PLAGL1: variants seen among roughly 807,000 people sequenced by gnomAD.
The protein encoded by PLAGL1 is PLAG1 like zinc finger 1.
In PLAGL1, 1 loss-of-function variant was observed where a neutral mutation model predicts 4.6. The ratio of observed to expected loss-of-function variants is 0.22; its 90% CI spans 0.08 to 1.03. PLAGL1 has a LOEUF of 1.03. Among genes scored for constraint, PLAGL1 ranks in the 50% least tolerant of loss-of-function variants. PLAGL1 has a pLI of 0.58. For synonymous variants in PLAGL1, 240 were observed against 237.8 expected (o/e 1.01, Z -0.08); for missense variants, 464 against 570.4 (o/e 0.81, Z 1.90).
chr6:144,020,089 G>A (rs1795859835), intron 1 of PLAGL1, among the ~76,000 whole-genome samples: 1 of 152,064 alleles, frequency 6.6e-6, no homozygotes, highest in African/African-American at 2.4e-5. Flanking sequence ...ACACCAGAGA[G>A]CTCACTTCCT....
rs1787550292 is a variant in PLAGL1 at position 143,979,979 on chromosome 6, T to C, written c.-544+5156A>G. Among the ~76,000 whole-genome samples the C allele has an allele frequency of 6.6e-6, 1 of 152,122 alleles. No homozygotes were observed. Among genetic ancestry groups the C allele is most frequent in the African/African-American group, 2.4e-5 (1 of 41,454 alleles). ...TGCATGTTTCACCTTTTTTGAAAGA[T>C]ATTGTCACAACTATAGATTTCTAGA... is the stretch of plus-strand genomic sequence containing the variant. On this transcript the variant is annotated intron_variant, in intron 2 of 7. Transcript: ENST00000674357. The surrounding 1 kb of genome is among the most constrained non-coding windows in gnomAD (Gnocchi z 4.6).
Position 143,972,667 on chromosome 6 carries a change from G to A in PLAGL1, c.-543-3689C>T, listed in dbSNP as rs570969618. Among the ~76,000 whole-genome samples, 8 of 152,230 alleles carry A rather than the reference G, an allele frequency of 5.3e-5. No homozygotes were observed. Among genetic ancestry groups the A allele is most frequent in the African/African-American group, 7.2e-5 (3 of 41,544 alleles). Reference sequence around the variant, plus strand: ...CATGAATCACTGGCTTGAGTGGAACGTAGCTTCCAAGTTCAAAGATGTTTT... The same window carrying A: ...CATGAATCACTGGCTTGAGTGGAACATAGCTTCCAAGTTCAAAGATGTTTT... On this transcript the variant is annotated intron_variant, in intron 2 of 7. Coordinates refer to ENST00000674357, the MANE Select transcript of PLAGL1 (RefSeq NM_001317162.2). The surrounding 1 kb of genome is among the most constrained non-coding windows in gnomAD (Gnocchi z 6.8).
chr6:144,017,520 T>C (rs1415579221), intron 1 of PLAGL1, among the ~76,000 whole-genome samples: 2 of 152,208 alleles, frequency 1.3e-5, no homozygotes, highest in African/African-American at 4.8e-5. Flanking sequence ...TCTACTAAAA[T>C]GTCCTACTTT....
chr6:144,011,998 TG>T (rs1177073763), upstream of PLAGL1, among the ~76,000 whole-genome samples: 2 of 152,204 alleles, frequency 1.3e-5, no homozygotes, highest in Non-Finnish European at 2.9e-5. The surrounding 1 kb of genome is among the most constrained non-coding windows in gnomAD (Gnocchi z 4.3). Context: ...TCTTAGGATT[TG>T]GTCTGATCAT....
rs1312296643 is a variant in PLAGL1 at position 144,003,869 on chromosome 6, C to T, written c.-584+4221G>A. 2.0e-5 allele frequency among the ~76,000 whole-genome samples: 3 copies of T among 152,246 alleles called. No homozygotes were observed. The East Asian group carries it at 5.8e-4, about 29-fold the overall frequency. The stretch of plus-strand genomic sequence containing the variant: ...TAGTGTTTATGGAAATGCAACCAAC[C>T]TACCAAAAACCATCAATTCAACTCC... On this transcript the variant is annotated intron_variant, in intron 1 of 7. Coordinates refer to ENST00000674357, the MANE Select transcript of PLAGL1 (RefSeq NM_001317162.2).
At chr6:143,987,672 G>A (rs1364970173) in intron 1 of PLAGL1, among the ~76,000 whole-genome samples, 1 of 151,954 alleles carries the variant, frequency 6.6e-6, no homozygotes, top group East Asian at 1.9e-4. Context: ...GTCCGTGGCT[G>A]GGCCAGCGTG....
At chr6:144,040,286 T>C (rs1797621513) in intron 1 of PLAGL1, among the ~76,000 whole-genome samples, 1 of 151,886 alleles carries the variant, frequency 6.6e-6, no homozygotes, top group African/African-American at 2.4e-5. Flanking sequence ...CCCAGCACTT[T>C]GGGAGGCTGA....
intron 1 of PLAGL1, among the ~76,000 whole-genome samples, chr6:144,035,836 T>G (rs959757201): frequency 6.6e-6 from 1 of 152,162 alleles, no homozygotes; most frequent in Admixed American, 6.5e-5. Context: ...ATATGGTTGA[T>G]GAGAAAAATG....
At chr6:144,025,216 A>G (rs1360394635) in intron 1 of PLAGL1, among the ~76,000 whole-genome samples, 1 of 152,124 alleles carries the variant, frequency 6.6e-6, no homozygotes, top group East Asian at 1.9e-4. Context: ...CATTAAACAC[A>G]CCCAAATTGA....
chr6:143,951,276 G>T (rs1242019697), intron 6 of PLAGL1, among the ~76,000 whole-genome samples: 1 of 152,298 alleles, frequency 6.6e-6, no homozygotes, highest in East Asian at 1.9e-4. Context: ...GGAATTAAAA[G>T]TACTATAGAA....
chr6:143,979,620 C>T lies in PLAGL1; in HGVS notation c.-544+5515G>A, dbSNP rs1163657230. On this transcript the variant is annotated intron_variant, in intron 2 of 7. Transcript: ENST00000674357. This position sits in a 1 kb window ranked among gnomAD's most constrained non-coding sequence, Gnocchi z 4.6. Reference sequence around the variant, plus strand: ...TATAGTTATATTTTTCCTCACCTGACCTTTGTGCAATTATTGTTGTAACTT... The same window carrying T: ...TATAGTTATATTTTTCCTCACCTGATCTTTGTGCAATTATTGTTGTAACTT... 6.6e-6 allele frequency among the ~76,000 whole-genome samples: 1 copy of T among 151,936 alleles called. No homozygotes were observed. The highest frequency in any genetic ancestry group is 1.5e-5 in the Non-Finnish European group (1 of 67,908).
In PLAGL1 at chr6:143,959,973, C is replaced by T. The variant is rs1783021888; in HGVS notation, c.-325+496G>A. On this transcript the variant is annotated intron_variant, in intron 6 of 7. Transcript: ENST00000674357. This position sits in a 1 kb window ranked among gnomAD's most constrained non-coding sequence, Gnocchi z 5.3. ...AAGTTCAGCAACTGCTTTACAACAGCGTTTTCAAATAAAGCCTCAGGAAGT... is the reference window on the plus strand; with the variant it reads ...AAGTTCAGCAACTGCTTTACAACAGTGTTTTCAAATAAAGCCTCAGGAAGT... Among the ~76,000 whole-genome samples the T allele has an allele frequency of 1.3e-5, 2 of 152,200 alleles. No individual in the cohort carries two copies. The highest frequency in any genetic ancestry group is 2.9e-5 in the Non-Finnish European group (2 of 68,028).
chr6:143,994,251 T>C lies in PLAGL1; in HGVS notation c.-583-9077A>G, dbSNP rs537844401. Among the ~76,000 whole-genome samples, 6 of 152,338 alleles carry C rather than the reference T, an allele frequency of 3.9e-5. No homozygotes were observed. The highest frequency in any genetic ancestry group is 6.5e-5 in the Admixed American group (1 of 15,306). On this transcript the variant is annotated intron_variant, in intron 1 of 7. Transcript: ENST00000674357. The surrounding 1 kb of genome is among the most constrained non-coding windows in gnomAD (Gnocchi z 4.3). ...AAATACTAGGTTTGGATCTGTATTA[T>C]TTTAATAATCTCAGAAAGGTGTCAG...
At chr6:144,026,144 A>G (rs754580706) in intron 1 of PLAGL1, among the ~76,000 whole-genome samples, 2 of 152,162 alleles carry the variant, frequency 1.3e-5, no homozygotes, top group Non-Finnish European at 2.9e-5. Flanking sequence ...TTAGAATCCA[A>G]CTTATATAAT....
rs80114302 is a variant in PLAGL1, at chr6:144,036,592, T to C, written c.-151+27876A>G. The C allele has an allele frequency of 0.026, 4,789 of 182,156 alleles. 249 individuals carry two copies. The highest frequency in any genetic ancestry group is 0.11 in the African/African-American group (4,457 of 41,760). 11.3% of individuals were successfully genotyped at this position (182,156 alleles called of 1,614,324 possible). A position where few individuals can be genotyped will look rare whatever the true frequency, so the allele number is the denominator to read the frequency against. Reference sequence around the variant, plus strand: ...AAGTGACATGCTGGAAAGAGCGTGGTAGACATCTAGGGGCCAACTCTAGGA... The same window carrying C: ...AAGTGACATGCTGGAAAGAGCGTGGCAGACATCTAGGGGCCAACTCTAGGA... On this transcript the variant is annotated intron_variant, in intron 1 of 3. Coordinates refer to the PLAGL1 transcript ENST00000437412. This position sits in a 1 kb window ranked among gnomAD's most constrained non-coding sequence, Gnocchi z 5.1.
intron 6 of PLAGL1, among the ~76,000 whole-genome samples, chr6:143,951,556 C>T (rs918606546): frequency 6.6e-6 from 1 of 152,232 alleles, no homozygotes; most frequent in African/African-American, 2.4e-5. Flanking sequence ...AAAACTTGCC[C>T]TTTGGCACTG....
At chr6:143,993,199 G>A (rs1790865797) in intron 1 of PLAGL1, among the ~76,000 whole-genome samples, 1 of 151,742 alleles carries the variant, frequency 6.6e-6, no homozygotes, top group African/African-American at 2.4e-5. Flanking sequence ...AGCTACTCAG[G>A]AGGCTGGGGC....
chr6:144,062,807 T>C (rs1243587216), intron 1 of PLAGL1, among the ~76,000 whole-genome samples: 1 of 152,198 alleles, frequency 6.6e-6, no homozygotes, highest in African/African-American at 2.4e-5. Context: ...CACATGTCTG[T>C]TGAATGATGG....
chr6:144,018,043 C>T (rs1423167788), intron 1 of PLAGL1, among the ~76,000 whole-genome samples: 1 of 152,166 alleles, frequency 6.6e-6, no homozygotes, highest in Non-Finnish European at 1.5e-5. Flanking sequence ...TCCAGCCCCA[C>T]TAATGAATGA....
Sources: gnomAD v4.1 joint callset for allele counts (sites outside exome capture counted in the v4.1 genomes callset) on GRCh38, gnomAD v4.1.1 for gene constraint, Gnocchi (gnomAD v3.1) non-coding constraint, MANE v1.5 for transcripts, NCBI Gene and HGNC (gene_info 2026-07-23, HGNC 2026-07-21) for gene names.